The following MRTFA variants were observed in gnomAD, a reference collection of about 807,000 sequenced individuals.
MRTFA encodes the protein myocardin-related transcription factor A.
A neutral mutation model predicts 83.5 loss-of-function variants in MRTFA; 20 were observed. That is an observed-to-expected ratio of 0.24 (90% confidence interval 0.17 to 0.35). The LOEUF is 0.35. Ranked by LOEUF, MRTFA falls within the 10% of genes least tolerant of loss-of-function variation. MRTFA has a pLI of 1.00. For missense variants in MRTFA, 1,200 were observed against 1,224.7 expected (o/e 0.98, Z 0.30); for synonymous variants, 659 against 541.2 (o/e 1.22, Z -3.02).
At chr22:40,587,838 TA>T in intron 2 of MRTFA, 1 of 384,010 alleles carries the variant, frequency 2.6e-6, no homozygotes. Context: ...GCTAATTCAC[TA>T]ACAAGATAGG....
chr22:40,580,908 GT>G (rs1187349234), intron 2 of MRTFA, among the ~76,000 whole-genome samples: 2 of 151,976 alleles, frequency 1.3e-5, no homozygotes, highest in African/African-American at 4.8e-5. Flanking sequence ...CTGTAGGCAT[GT>G]TTTTATTTTG....
chr22:40,440,864 C>T (rs1036767885), intron 4 of MRTFA, among the ~76,000 whole-genome samples: 17 of 152,114 alleles, frequency 1.1e-4, no homozygotes, highest in Non-Finnish European at 2.1e-4. Context: ...AATAGGTTTC[C>T]AAGTTTAGGC....
At chr22:40,437,285 C>A (rs2053189616) in intron 4 of MRTFA, among the ~76,000 whole-genome samples, 1 of 152,182 alleles carries the variant, frequency 6.6e-6, no homozygotes, top group Non-Finnish European at 1.5e-5. Context: ...ACGTCCTGCT[C>A]TGCAGGAACC....
chr22:40,464,323 A>C lies in MRTFA; in HGVS notation c.242-1037T>G, dbSNP rs1211090069. ...TGCTGTCTCAGGAAAAAAAAAAAAA[A>C]AAAAAAAAACAACTATCTTTCTTTC... On this transcript the variant is annotated intron_variant, in intron 3 of 14. Coordinates refer to ENST00000355630, the MANE Select transcript of MRTFA (RefSeq NM_020831.6). Among the ~76,000 whole-genome samples, 8 of 150,918 alleles carry C rather than the reference A, an allele frequency of 5.3e-5. No individual in the cohort carries two copies. In the South Asian group the frequency reaches 6.3e-4, roughly 12 times the overall value.
chr22:40,436,651 G>A (rs749896388), intron 4 of MRTFA, among the ~76,000 whole-genome samples: 1 of 152,194 alleles, frequency 6.6e-6, no homozygotes, highest in Non-Finnish European at 1.5e-5. Flanking sequence ...AAACTTGGCT[G>A]TAAGGACAAA....
chr22:40,512,813 C>A (rs895219293), intron 3 of MRTFA, among the ~76,000 whole-genome samples: 1 of 152,164 alleles, frequency 6.6e-6, no homozygotes, highest in Non-Finnish European at 1.5e-5. Context: ...AGGATGACAT[C>A]CTGAAAAGCT....
chr22:40,420,754 A>G, intron 10 of MRTFA, 93 bp downstream of exon 10: 1 of 1,572,958 alleles, frequency 6.4e-7, no homozygotes, highest in Non-Finnish European at 8.6e-7. Context: ...GGGTCCTTAA[A>G]GATGTGAGGT....
At chr22:40,611,226 A>G (rs1179627192) in intron 1 of MRTFA, among the ~76,000 whole-genome samples, 1 of 152,064 alleles carries the variant, frequency 6.6e-6, no homozygotes, top group Non-Finnish European at 1.5e-5. Flanking sequence ...GGCGTGAGCC[A>G]CTGCGCCCAG....
At chr22:40,448,750 C>T (rs1038403887) in intron 4 of MRTFA, among the ~76,000 whole-genome samples, 7 of 152,194 alleles carry the variant, frequency 4.6e-5, no homozygotes, top group African/African-American at 1.4e-4. Context: ...CAAACTCCAT[C>T]CAAAGTTAAC....
intron 2 of MRTFA, among the ~76,000 whole-genome samples, chr22:40,555,575 T>TA (rs1188084339): frequency 4.7e-5 from 7 of 149,308 alleles, no homozygotes; most frequent in African/African-American, 9.7e-5. Flanking sequence ...CCTCATAAAT[T>TA]AAAAAAAATT....
chr22:40,454,536 TA>T (rs1002036320), intron 4 of MRTFA, among the ~76,000 whole-genome samples: 23 of 152,344 alleles, frequency 1.5e-4, no homozygotes, highest in Admixed American at 1.5e-3. Flanking sequence ...CCTCCATTCT[TA>T]AATGAGAATA....
At chr22:40,474,986 G>C (rs2147173746) in intron 3 of MRTFA, among the ~76,000 whole-genome samples, 1 of 152,058 alleles carries the variant, frequency 6.6e-6, no homozygotes, top group South Asian at 2.1e-4. Context: ...CTACAGGTGT[G>C]TGCCACCACG....
intron 1 of MRTFA, among the ~76,000 whole-genome samples, chr22:40,595,515 T>C (rs2147385431): frequency 6.6e-6 from 1 of 152,330 alleles, no homozygotes; most frequent in South Asian, 2.1e-4. Context: ...ATTCATCATT[T>C]ACTTCTTGAG....
chr22:40,512,251 G>T (rs1435139682), intron 3 of MRTFA, among the ~76,000 whole-genome samples: 1 of 152,186 alleles, frequency 6.6e-6, no homozygotes, highest in South Asian at 2.1e-4. Flanking sequence ...TGTTTTACAG[G>T]TGCTCATCAA....
intron 3 of MRTFA, among the ~76,000 whole-genome samples, chr22:40,495,757 CAAAA>C (rs35652948): frequency 4.2e-5 from 3 of 70,648 alleles, no homozygotes; most frequent in African/African-American, 1.1e-4. Context: ...GACTCCATCT[CAAAA>C]AAAAAAAAAA....
At chr22:40,500,188 C>A (rs1001852860) in intron 3 of MRTFA, among the ~76,000 whole-genome samples, 17 of 150,526 alleles carry the variant, frequency 1.1e-4, no homozygotes, top group African/African-American at 4.1e-4. Flanking sequence ...CTCGGCCTCC[C>A]AAAGTGCTGG....
intron 4 of MRTFA, among the ~76,000 whole-genome samples, chr22:40,436,102 T>C (rs2053164631): frequency 6.6e-6 from 1 of 152,156 alleles, no homozygotes; most frequent in Non-Finnish European, 1.5e-5. Flanking sequence ...TGTCACTGCC[T>C]AAGCTTGGGC....
rs777327131 is a variant in MRTFA, at chr22:40,416,330, G to A, written c.2578+656C>T. ...TGGGCCAAAGCCCAGCTCTCCAGTC[G>A]CCCCCCAACCTGGGGCTCCCTGCTT... On this transcript the variant is annotated intron_variant, in intron 14 of 14. Coordinates refer to ENST00000355630, the MANE Select transcript of MRTFA (RefSeq NM_020831.6). The surrounding 1 kb of genome is among the most constrained non-coding windows in gnomAD (Gnocchi z 4.2). 5.9e-5 allele frequency among the ~76,000 whole-genome samples: 9 copies of A among 152,160 alleles called. No homozygotes were observed. The highest frequency in any genetic ancestry group is 3.3e-4 in the Admixed American group (5 of 15,286).
intron 4 of MRTFA, among the ~76,000 whole-genome samples, chr22:40,446,452 G>A (rs1220934044): frequency 1.3e-5 from 2 of 152,262 alleles, no homozygotes; most frequent in East Asian, 3.9e-4. Flanking sequence ...GAGAAACTGT[G>A]TTCTGTCTTG....
Sources: gnomAD v4.1 joint callset for allele counts (sites outside exome capture counted in the v4.1 genomes callset) on GRCh38, gnomAD v4.1.1 for gene constraint, Gnocchi (gnomAD v3.1) non-coding constraint, MANE v1.5 for transcripts, NCBI Gene and HGNC (gene_info 2026-07-23, HGNC 2026-07-21) for gene names.